Variants in TMEM65 observed in about 807,000 individuals in gnomAD.
TMEM65 encodes transmembrane protein 65.
TMEM65 carries 22 observed loss-of-function variants against 25.4 expected under a neutral mutation model. The ratio of observed to expected loss-of-function variants is 0.86; its 90% CI spans 0.62 to 1.23. TMEM65 has a LOEUF of 1.23. Ranked by LOEUF, TMEM65 falls within the 50% of genes most tolerant of loss-of-function variation. The pLI is 0.00. For missense variants in TMEM65, 262 were observed against 308.2 expected, an observed-to-expected ratio of 0.85 and a Z score of 1.12; for synonymous variants, 132 against 126.2, an observed-to-expected ratio of 1.05 and a Z score of -0.31.
intron 1 of TMEM65, among the ~76,000 whole-genome samples, chr8:124,352,943 A>G (rs1166463747): frequency 6.6e-6 from 1 of 152,112 alleles, no homozygotes; most frequent in Non-Finnish European, 1.5e-5. Context: ...CCTGGCCAAC[A>G]TGACGAAACA....
chr8:124,340,378 A>G (rs2131212322), intron 1 of TMEM65, among the ~76,000 whole-genome samples: 1 of 152,308 alleles, frequency 6.6e-6, no homozygotes, highest in East Asian at 1.9e-4. Flanking sequence ...ATTTGACTTA[A>G]AGAAAAATAA....
At chr8:124,360,429 CAAAAAA>C (rs55829098) in intron 1 of TMEM65, among the ~76,000 whole-genome samples, 1 of 70,630 alleles carries the variant, frequency 1.4e-5, no homozygotes, top group African/African-American at 5.1e-5. Flanking sequence ...GACTCTGTCA[CAAAAAA>C]AAAAAAAAAA....
At chr8:124,318,185 C>T (rs1227870882) in intron 6 of TMEM65, among the ~76,000 whole-genome samples, 1 of 151,806 alleles carries the variant, frequency 6.6e-6, no homozygotes, top group African/African-American at 2.4e-5. Flanking sequence ...TTAATTTTGC[C>T]AAAGACCTGG....
intron 6 of TMEM65, among the ~76,000 whole-genome samples, chr8:124,314,391 A>T (rs1028934305): frequency 6.6e-6 from 1 of 152,202 alleles, no homozygotes; most frequent in African/African-American, 2.4e-5. Context: ...TTACCGCCAT[A>T]GCCACTGCTA....
At chr8:124,336,126 G>A (rs561080510) in intron 1 of TMEM65, among the ~76,000 whole-genome samples, 3 of 151,924 alleles carry the variant, frequency 2.0e-5, no homozygotes, top group East Asian at 3.9e-4. Context: ...AATAAACCAG[G>A]GACATTTCAA....
At chr8:124,338,233 GAT>G (rs976970884) in intron 1 of TMEM65, among the ~76,000 whole-genome samples, 13 of 151,912 alleles carry the variant, frequency 8.6e-5, no homozygotes, top group Non-Finnish European at 1.5e-4. Flanking sequence ...TGTATTTAAT[GAT>G]ATAGTCATTT....
intron 6 of TMEM65, 130 bp from the exon 7 acceptor site, chr8:124,314,191 T>A (rs1409746637): frequency 2.9e-6 from 2 of 701,456 alleles, no homozygotes; most frequent in African/African-American, 3.6e-5. Context: ...CTCTTCAATA[T>A]TTATCCCTGT....
chr8:124,343,512 A>G (rs1180503871), intron 1 of TMEM65, among the ~76,000 whole-genome samples: 1 of 152,084 alleles, frequency 6.6e-6, no homozygotes, highest in Admixed American at 6.6e-5. Flanking sequence ...ATTCTGTTGG[A>G]AAAAACAATA....
At chr8:124,339,222 A>AAAAAAATATATATATATATATAT (rs1563594368) in intron 1 of TMEM65, among the ~76,000 whole-genome samples, 1 of 19,904 alleles carries the variant, frequency 5.0e-5, no homozygotes, top group Non-Finnish European at 7.9e-5. Context: ...AAAAAAAAAA[A>AAAAAAATATATATATATATATAT]ATATATATAT....
At chr8:124,345,133 C>A (rs1271580242) in intron 1 of TMEM65, among the ~76,000 whole-genome samples, 1 of 152,182 alleles carries the variant, frequency 6.6e-6, no homozygotes, top group Non-Finnish European at 1.5e-5. Context: ...ATTCTTGTAA[C>A]AAGTAGCTGA....
At position 124,310,467 on chromosome 8, in the gene TMEM65, T is replaced by C. The variant is rs911743089; in HGVS notation, c.*3493A>G. ...CTAGCAGTTAAGAAGACAGGCTTCA[T>C]ACTTGGACAAAATAGGATTCCAGTC... On this transcript the variant is annotated 3_prime_UTR_variant, in exon 7 of 7. Coordinates refer to ENST00000297632, the MANE Select transcript of TMEM65 (RefSeq NM_194291.3). 12 of 152,202 alleles carry C rather than the reference T, an allele frequency of 7.9e-5. No individual in the cohort carries two copies. Among genetic ancestry groups the C allele is most frequent in the Admixed American group, 5.2e-4 (8 of 15,276 alleles). 9.4% of individuals were successfully genotyped at this position (152,202 alleles called of 1,614,324 possible). A position where few individuals can be genotyped will look rare whatever the true frequency, so the allele number is the denominator to read the frequency against.
intron 1 of TMEM65, among the ~76,000 whole-genome samples, chr8:124,364,543 C>T (rs1407696918): frequency 6.6e-6 from 1 of 152,058 alleles, no homozygotes; most frequent in Non-Finnish European, 1.5e-5. Context: ...ATAAGGACTC[C>T]GACATCTGGT....
intron 6 of TMEM65, among the ~76,000 whole-genome samples, chr8:124,316,873 GA>G (rs1814243921): frequency 6.6e-6 from 1 of 152,024 alleles, no homozygotes; most frequent in Admixed American, 6.6e-5. Context: ...AAACTAAAAG[GA>G]AAAGCCCAAA....
At chr8:124,332,368 T>A (rs1382863620) in intron 1 of TMEM65, among the ~76,000 whole-genome samples, 1 of 152,004 alleles carries the variant, frequency 6.6e-6, no homozygotes, top group African/African-American at 2.4e-5. Flanking sequence ...ACCTAAAAAT[T>A]CAACAAGCAG....
At chr8:124,320,962 T>C (rs1814297043) in intron 5 of TMEM65, among the ~76,000 whole-genome samples, 1 of 152,138 alleles carries the variant, frequency 6.6e-6, no homozygotes. Context: ...TGTTTTATGA[T>C]GCAATATATA....
intron 1 of TMEM65, among the ~76,000 whole-genome samples, chr8:124,344,030 A>G (rs565087595): frequency 1.1e-4 from 17 of 152,342 alleles, no homozygotes; most frequent in Non-Finnish European, 2.1e-4. Flanking sequence ...GGAGCCTTAG[A>G]CAAATATTGC....
chr8:124,361,026 A>C (rs946862099), intron 1 of TMEM65, among the ~76,000 whole-genome samples: 33 of 152,230 alleles, frequency 2.2e-4, no homozygotes, highest in Admixed American at 2.2e-3. Flanking sequence ...TAAACAAAAA[A>C]ATTGAGAAAA....
At chr8:124,330,884 C>A (rs975258777) in intron 1 of TMEM65, 92 bp from the exon 2 acceptor site, 1 of 1,188,384 alleles carries the variant, frequency 8.4e-7, no homozygotes, top group Non-Finnish European at 1.2e-6. Context: ...AGATTTACAA[C>A]GTGGGAGAAT....
At chr8:124,362,169 G>T (rs879404424) in intron 1 of TMEM65, among the ~76,000 whole-genome samples, 1 of 152,036 alleles carries the variant, frequency 6.6e-6, no homozygotes, top group Non-Finnish European at 1.5e-5. Context: ...TGGGATTACA[G>T]GCATGAGCCA....
Sources: gnomAD v4.1 joint callset for allele counts (sites outside exome capture counted in the v4.1 genomes callset) on GRCh38, gnomAD v4.1.1 for gene constraint, MANE v1.5 for transcripts, NCBI Gene and HGNC (gene_info 2026-07-23, HGNC 2026-07-21) for gene names.